CCDC88C: variants seen among roughly 807,000 people sequenced by gnomAD.
The protein encoded by CCDC88C is protein Daple.
In CCDC88C, 131 loss-of-function variants were observed where a neutral mutation model predicts 198.8. The ratio of observed to expected loss-of-function variants is 0.66; its 90% CI spans 0.57 to 0.76. CCDC88C has a LOEUF of 0.76. Among genes scored for constraint, CCDC88C ranks in the 30% least tolerant of loss-of-function variants. The probability of loss-of-function intolerance (pLI) is 0.00; values close to 1 mark genes in which losing one functional copy is unlikely to be tolerated. For missense variants in CCDC88C, 2,553 were observed against 2,631.6 expected (o/e 0.97, Z 0.65); for synonymous variants, 1,166 against 1,114.7 (o/e 1.05, Z -0.92).
chr14:91,286,484 C>T (rs554492215), intron 25 of CCDC88C, among the ~76,000 whole-genome samples: 1 of 152,348 alleles, frequency 6.6e-6, no homozygotes, highest in South Asian at 2.1e-4. Flanking sequence ...CAATCCTCCA[C>T]TCCTTAGCCT....
chr14:91,403,843 T>C (rs949103007), intron 3 of CCDC88C, among the ~76,000 whole-genome samples: 26 of 152,290 alleles, frequency 1.7e-4, no homozygotes, highest in African/African-American at 6.0e-4. Flanking sequence ...GGTAGGAGGA[T>C]CGCCTGAGCC....
rs1014956719 is a variant in CCDC88C, at chr14:91,278,116, T to C, written c.4864A>G (p.Thr1622Ala). Residue 1622 changes from threonine to alanine, a missense_variant, in exon 29 of 30, where the codon ACA becomes GCA. Thr to Ala is a moderately conservative substitution (Grantham distance 58). This residue lies in a region of CCDC88C where 1,293 missense variants were observed against 1,219.6 expected (regional missense o/e 1.06). Transcript: ENST00000389857. The part of the protein sequence containing the change: ...DLATLPREAS[T>A]PGRNALGRHE... ...CGGCCGAGGGCGTTGCGTCCCGGTG[T>C]GCTGGCTTCCCGGGGCAAAGTGGCC... 1.4e-5 allele frequency: 22 copies of C among 1,613,196 alleles called. No homozygotes were observed. In the Middle Eastern group the frequency reaches 5.0e-4, roughly 37 times the overall value.
rs145090501 is a variant in CCDC88C at position 91,399,214 on chromosome 14, G to A, written c.270+9445C>T. On this transcript the variant is annotated intron_variant, in intron 3 of 29. Transcript: ENST00000389857. ...CCCATGGCTCCCATCTGCATTCCCA[G>A]CCAGGAACGCTCAGATCCACCTGAC... Among the ~76,000 whole-genome samples the A allele has an allele frequency of 6.1e-3, 924 of 152,240 alleles. 6 individuals are homozygous for A. The highest frequency in any genetic ancestry group is 7.6e-3 in the Non-Finnish European group (514 of 68,008).
intron 5 of CCDC88C, 58 bp from the exon 6 acceptor site, chr14:91,342,521 C>T (rs1395519269): frequency 1.9e-6 from 2 of 1,050,604 alleles, no homozygotes; most frequent in Admixed American, 2.0e-5. Flanking sequence ...GAAGCTGAGT[C>T]CACCACAGCC....
Position 91,274,972 on chromosome 14 carries a change from C to T in CCDC88C, c.5059-1319G>A, listed in dbSNP as rs1177781529. Among the ~76,000 whole-genome samples the T allele has an allele frequency of 4.6e-5, 7 of 152,288 alleles. No individual in the cohort carries two copies. In the East Asian group the frequency reaches 9.7e-4, roughly 21 times the overall value. ...CTTTGATACCCACCCTTCCTGGCCA[C>T]GCAGGGAGCCCCATCTTGTGACATG... On this transcript the variant is annotated intron_variant, in intron 29 of 29. Coordinates refer to ENST00000389857, the MANE Select transcript of CCDC88C (RefSeq NM_001080414.4).
intron 4 of CCDC88C, among the ~76,000 whole-genome samples, chr14:91,345,184 A>ATT (rs1458769741): frequency 8.9e-5 from 6 of 67,570 alleles, no homozygotes; most frequent in African/African-American, 2.2e-4. Context: ...ATATATATAT[A>ATT]TATATATTTT....
chr14:91,412,188 G>A (rs545432005), intron 2 of CCDC88C, among the ~76,000 whole-genome samples: 115 of 151,996 alleles, frequency 7.6e-4, no homozygotes, highest in Non-Finnish European at 1.4e-3. Flanking sequence ...CATGCTAAAT[G>A]TTTTTATATA....
At chr14:91,390,134 G>C (rs1885415120) in intron 3 of CCDC88C, among the ~76,000 whole-genome samples, 1 of 151,906 alleles carries the variant, frequency 6.6e-6, no homozygotes, top group Non-Finnish European at 1.5e-5. Context: ...ATGCTGATGA[G>C]TCCTGCTCAA....
chr14:91,324,780 G>C lies in CCDC88C; in HGVS notation c.1341C>G (p.Asp447Glu). ...EQLSKNADLS[D>E]ASRKSFVFEL... ...TCCCCGGCACCAGGCGCTACCTACC[G>C]TCTGACAAGTCTGCGTTCTTGGACA... is the stretch of plus-strand genomic sequence containing the variant. Residue 447 changes from aspartate (D) to glutamate (E), a missense_variant and splice_region_variant, in exon 12 of 30, where the codon GAC (aspartate) becomes GAG (glutamate). By Grantham distance (45) the Asp-to-Glu change is conservative. Around this residue, in one of 2 missense-constraint regions of CCDC88C, gnomAD observed 1,260 missense variants for 1,412.0 expected, o/e 0.89. Transcript: ENST00000389857. 2 of 1,610,536 alleles carry C rather than the reference G, an allele frequency of 1.2e-6. No individual in the cohort carries two copies. The highest frequency in any genetic ancestry group is 1.7e-5 in the Admixed American group (1 of 60,020).
In CCDC88C at chr14:91,352,606, G is replaced by T. The variant is rs1045495732; in HGVS notation, c.340+7036C>A. On this transcript the variant is annotated intron_variant, in intron 4 of 29. Coordinates refer to ENST00000389857, the MANE Select transcript of CCDC88C (RefSeq NM_001080414.4). The surrounding 1 kb of genome is among the most constrained non-coding windows in gnomAD (Gnocchi z 4.2). ...CTTATTTCTTCCCTCCCATTCAAAC[G>T]CCCAAAACGTTTTGCAAATATGAAA... Among the ~76,000 whole-genome samples the T allele has an allele frequency of 7.2e-5, 11 of 151,954 alleles. 1 individual carries two copies. The highest frequency in any genetic ancestry group is 1.9e-4 in the East Asian group (1 of 5,184).
At chr14:91,312,716 C>T (rs1053975162) in intron 15 of CCDC88C, among the ~76,000 whole-genome samples, 14 of 152,098 alleles carry the variant, frequency 9.2e-5, no homozygotes, top group Admixed American at 3.9e-4. Flanking sequence ...AACAAACAAA[C>T]AAATATCTTA....
intron 23 of CCDC88C, among the ~76,000 whole-genome samples, chr14:91,293,648 C>T (rs1890870927): frequency 6.7e-6 from 1 of 149,276 alleles, no homozygotes; most frequent in Non-Finnish European, 1.5e-5. Flanking sequence ...CTGTGGACTT[C>T]AACTCCCCCT....
At chr14:91,358,641 C>T (rs1185942246) in intron 4 of CCDC88C, among the ~76,000 whole-genome samples, 1 of 152,194 alleles carries the variant, frequency 6.6e-6, no homozygotes, top group Non-Finnish European at 1.5e-5. Context: ...TGTAAGATGC[C>T]AGGAGGACAT....
At chr14:91,292,965 C>T (rs60010139) in intron 23 of CCDC88C, among the ~76,000 whole-genome samples, 1 of 151,956 alleles carries the variant, frequency 6.6e-6, no homozygotes, top group African/African-American at 2.4e-5. Flanking sequence ...CCTTTTCCAG[C>T]CTTCTCTCTG....
chr14:91,324,329 A>G (rs2139828033), intron 12 of CCDC88C, among the ~76,000 whole-genome samples: 1 of 152,342 alleles, frequency 6.6e-6, no homozygotes, highest in East Asian at 1.9e-4. Context: ...CTCCCCACCC[A>G]GGAGAGAGAA....
chr14:91,351,551 G>C (rs2139886843), intron 4 of CCDC88C, among the ~76,000 whole-genome samples: 1 of 152,346 alleles, frequency 6.6e-6, no homozygotes, highest in East Asian at 1.9e-4. Context: ...CACCCATGGG[G>C]AAGGAGGCAG....
At chr14:91,417,222 G>A (rs776905906) in intron 1 of CCDC88C, 15 of 702,730 alleles carry the variant, frequency 2.1e-5, no homozygotes, top group Non-Finnish European at 2.6e-5. Flanking sequence ...GCCATCCACC[G>A]GCTGGTCTCA....
chr14:91,276,852 A>C (rs1889986650), intron 29 of CCDC88C, among the ~76,000 whole-genome samples: 1 of 152,242 alleles, frequency 6.6e-6, no homozygotes, highest in Admixed American at 6.5e-5. Context: ...AGACCTACAG[A>C]GGTGGCAGGA....
chr14:91,300,119 C>T (rs370433635), intron 20 of CCDC88C, 49 bp from the exon 21 acceptor site: 15 of 1,579,262 alleles, frequency 9.5e-6, no homozygotes, highest in South Asian at 5.8e-5. Flanking sequence ...CCTTCTTTTC[C>T]GACAGGTAAC....
Sources: allele counts gnomAD v4.1 joint callset (sites outside exome capture counted in the v4.1 genomes callset), GRCh38; gene constraint gnomAD v4.1.1; regional missense constraint gnomAD v4.1.1; non-coding constraint Gnocchi (gnomAD v3.1); transcripts MANE v1.5; gene names NCBI Gene and HGNC (gene_info 2026-07-23, HGNC 2026-07-21).